The following MDN1 variants were observed in gnomAD, a reference collection of about 807,000 sequenced individuals.
MDN1 encodes midasin AAA ATPase 1, also known as midasin.
Under a neutral mutation model 669.2 loss-of-function variants are expected in MDN1, and 266 were observed. The ratio of observed to expected loss-of-function variants is 0.40; its 90% CI spans 0.36 to 0.44. The LOEUF is 0.44. Ranked by LOEUF, MDN1 falls within the 20% of genes least tolerant of loss-of-function variation. The pLI is 1.00. For synonymous variants in MDN1, 2,385 were observed against 2,457.1 expected, an observed-to-expected ratio of 0.97 and a Z score of 0.87; for missense variants, 5,940 against 6,754.0, an observed-to-expected ratio of 0.88 and a Z score of 4.22.
Position 89,714,710 on chromosome 6 carries a change from C to T in MDN1, c.6902G>A (p.Arg2301Gln), listed in dbSNP as rs1814204803. The stretch of plus-strand genomic sequence containing the variant: ...TTCAAGTCCACGATTCCTCATAGCT[C>T]GGGATATATCTCCATGAACAGGATC... ...SMDPVHGDISRAMRNRGLEIY... is the reference protein window; with the variant it reads ...SMDPVHGDISQAMRNRGLEIY... The change falls in exon 46 of 102, where the codon CGA (arginine) becomes CAA (glutamine). Residue 2301 changes from arginine (R) to glutamine (Q), a missense_variant. This residue lies in a region of MDN1 where 2,292 missense variants were observed against 2,638.3 expected (regional missense o/e 0.87). Coordinates refer to ENST00000369393, the MANE Select transcript of MDN1 (RefSeq NM_014611.3). 1.1e-5 allele frequency: 18 copies of T among 1,613,990 alleles called. No individual in the cohort carries two copies. The highest frequency in any genetic ancestry group is 1.4e-5 in the Non-Finnish European group (17 of 1,179,970).
intron 83 of MDN1, among the ~76,000 whole-genome samples, chr6:89,670,142 A>G: frequency 2.5e-5 from 1 of 40,152 alleles, no homozygotes; most frequent in Non-Finnish European, 3.6e-5. Context: ...AAAAAAACAT[A>G]TATATATATA....
chr6:89,701,416 C>T, intron 55 of MDN1, 142 bp downstream of exon 55: 1 of 1,073,978 alleles, frequency 9.3e-7, no homozygotes, highest in Non-Finnish European at 1.3e-6. Flanking sequence ...GAACCAATCA[C>T]CCCCAGATGC....
At chr6:89,686,828 A>G in intron 69 of MDN1, 74 bp downstream of exon 69, 1 of 1,560,414 alleles carries the variant, frequency 6.4e-7, no homozygotes, top group Non-Finnish European at 8.7e-7. Context: ...GGGAGCAGGA[A>G]AATCCTACAC....
At chr6:89,652,359 T>C in intron 94 of MDN1, 78 bp from the exon 95 acceptor site, 1 of 1,088,558 alleles carries the variant, frequency 9.2e-7, no homozygotes, top group East Asian at 2.4e-5. Context: ...TCTTCCGCCC[T>C]ACAGTATGAA....
At chr6:89,724,005 T>C (rs1179959606) in intron 38 of MDN1, among the ~76,000 whole-genome samples, 4 of 152,076 alleles carry the variant, frequency 2.6e-5, no homozygotes, top group Non-Finnish European at 4.4e-5. Flanking sequence ...TAGCTGGGCA[T>C]AGTGGCATGC....
At chr6:89,670,881 C>A in intron 83 of MDN1, 38 bp downstream of exon 83, 2 of 1,581,266 alleles carry the variant, frequency 1.3e-6, no homozygotes, top group South Asian at 1.1e-5. Flanking sequence ...TTACTTGGGT[C>A]CCTGCTGCTC....
At chr6:89,722,139 C>T (rs765674188) in intron 40 of MDN1, among the ~76,000 whole-genome samples, 1 of 152,212 alleles carries the variant, frequency 6.6e-6, no homozygotes, top group Non-Finnish European at 1.5e-5. Flanking sequence ...TTAAATACCA[C>T]AAACTAAAAT....
chr6:89,658,450 T>TC, intron 89 of MDN1, 80 bp from the exon 90 acceptor site: 1 of 1,579,186 alleles, frequency 6.3e-7, no homozygotes, highest in African/African-American at 1.3e-5. Context: ...CAAGCAGGCT[T>TC]CCCCACTCCT....
At position 89,686,060 on chromosome 6, in the gene MDN1, A is replaced by G. The variant is rs1009753106; in HGVS notation, c.11573-87T>C. On this transcript the variant is annotated intron_variant, in intron 69 of 101. Coordinates refer to ENST00000369393, the MANE Select transcript of MDN1 (RefSeq NM_014611.3). The stretch of plus-strand genomic sequence containing the variant: ...ATGCACGCAATCTATTTGGGATACT[A>G]CGGATGGCCAAGAGGTAGACATCAC... 4 of 1,312,574 alleles carry G rather than the reference A, an allele frequency of 3.0e-6. No individual in the cohort carries two copies. The Admixed American group carries it at 8.4e-5, about 28-fold the overall frequency. 81.3% of individuals were successfully genotyped at this position (1,312,574 alleles called of 1,614,324 possible). A position where few individuals can be genotyped will look rare whatever the true frequency, so the allele number is the denominator to read the frequency against.
At position 89,670,989 on chromosome 6, in the gene MDN1, A is replaced by G. The variant is rs752753801; in HGVS notation, c.13886T>C (p.Leu4629Ser). 6.2e-7 allele frequency: 1 copy of G among 1,614,176 alleles called. No individual in the cohort carries two copies. Among genetic ancestry groups the G allele is most frequent in the South Asian group, 1.1e-5 (1 of 91,082 alleles). Residue 4629 changes from leucine (L) to serine (S), a missense_variant, in exon 83 of 102, where the codon TTA becomes TCA. This residue lies in a region of MDN1 where 2,280 missense variants were observed against 2,576.3 expected (regional missense o/e 0.88). Transcript: ENST00000369393. ...DLVLFFLTMS[L>S]ATHRSTAKLL... ...CTTTGCAGTACTACGGTGAGTTGCT[A>G]AAGACATGGTCAGGAAGAAGAGGAC...
chr6:89,785,152 T>C (rs1818891001), intron 8 of MDN1, 26 bp from the exon 9 acceptor site: 2 of 1,555,926 alleles, frequency 1.3e-6, no homozygotes, highest in African/African-American at 2.7e-5. Context: ...AAAAACACAG[T>C]CACACAAAAT....
chr6:89,737,966 C>T (rs369544597), intron 33 of MDN1, among the ~76,000 whole-genome samples: 9 of 152,154 alleles, frequency 5.9e-5, no homozygotes, highest in Admixed American at 3.3e-4. Flanking sequence ...TCAAGTGATC[C>T]GCCCACCTTG....
At chr6:89,672,119 A>G (rs982272020) in intron 82 of MDN1, 81 bp downstream of exon 82, 1 of 1,410,332 alleles carries the variant, frequency 7.1e-7, no homozygotes, top group South Asian at 1.6e-5. Flanking sequence ...GCACTTATCT[A>G]CGTGGAGGGA....
intron 60 of MDN1, 111 bp downstream of exon 60, chr6:89,696,249 C>T (rs1277818399): frequency 8.2e-7 from 1 of 1,223,396 alleles, no homozygotes; most frequent in Non-Finnish European, 1.2e-6. Flanking sequence ...AATACCCTCA[C>T]TTCAAACACC....
chr6:89,687,980 C>T, intron 67 of MDN1, 98 bp downstream of exon 67: 1 of 1,109,330 alleles, frequency 9.0e-7, no homozygotes, highest in Non-Finnish European at 1.4e-6. Context: ...TTTTTCTAGC[C>T]CAAACTATAA....
chr6:89,670,168 A>AT (rs1431713155), intron 83 of MDN1, among the ~76,000 whole-genome samples: 385 of 21,564 alleles, frequency 0.018, 4 homozygotes, highest in East Asian at 0.026. Flanking sequence ...ATATATATAT[A>AT]TATTTTTTTT....
Position 89,819,559 on chromosome 6 carries a change from C to T in MDN1, c.49G>A (p.Ala17Thr), listed in dbSNP as rs772985231. 1.9e-6 allele frequency: 3 copies of T among 1,604,320 alleles called. No individual in the cohort carries two copies. Among genetic ancestry groups the T allele is most frequent in the Non-Finnish European group, 1.7e-6 (2 of 1,179,968 alleles). ...CTGCGGCTCTTCTCGTTCTTGGCTG[C>T]GATTAACCGCAGCGGCGCGGCTGCC... is the stretch of plus-strand genomic sequence containing the variant. ...EVAAAPLRLI[A>T]AKNEKSRSEL... Residue 17 changes from alanine to threonine, a missense_variant, in exon 1 of 102, where the codon GCA becomes ACA. Coordinates refer to ENST00000369393, the MANE Select transcript of MDN1 (RefSeq NM_014611.3).
At chr6:89,670,161 TA>T (rs1318147325) in intron 83 of MDN1, among the ~76,000 whole-genome samples, 618 of 25,010 alleles carry the variant, frequency 0.025, 8 homozygotes, top group Non-Finnish European at 0.038. Context: ...TATATATATA[TA>T]TATATATATT....
intron 94 of MDN1, among the ~76,000 whole-genome samples, chr6:89,652,516 C>T (rs1257925499): frequency 6.6e-6 from 1 of 152,224 alleles, no homozygotes; most frequent in African/African-American, 2.4e-5. Flanking sequence ...TATAAAGCCA[C>T]TGTAGCAAAA....
Sources: allele counts gnomAD v4.1 joint callset (sites outside exome capture counted in the v4.1 genomes callset), GRCh38; gene constraint gnomAD v4.1.1; regional missense constraint gnomAD v4.1.1; transcripts MANE v1.5; gene names NCBI Gene and HGNC (gene_info 2026-07-23, HGNC 2026-07-21).